COX16: variants seen among roughly 807,000 people sequenced by gnomAD.
COX16 encodes cytochrome c oxidase assembly factor COX16.
In COX16, 12 loss-of-function variants were observed where a neutral mutation model predicts 15.4. The ratio of observed to expected loss-of-function variants is 0.78; its 90% CI spans 0.50 to 1.26. The LOEUF is 1.26. Ranked by LOEUF, COX16 falls within the 50% of genes most tolerant of loss-of-function variation. The probability of loss-of-function intolerance (pLI) is 0.00; values close to 1 mark genes in which losing one functional copy is unlikely to be tolerated. For synonymous variants in COX16, 46 were observed against 41.1 expected (o/e 1.12, Z -0.46); for missense variants, 124 against 127.6 (o/e 0.97, Z 0.14).
At chr14:70,354,652 C>A (rs1566606971) in intron 1 of COX16, among the ~76,000 whole-genome samples, 1 of 152,058 alleles carries the variant, frequency 6.6e-6, no homozygotes, top group Non-Finnish European at 1.5e-5. Flanking sequence ...ATATGAGTCT[C>A]TTTTTTTGGC....
At chr14:70,355,843 C>G (rs980446483) in intron 1 of COX16, among the ~76,000 whole-genome samples, 1 of 152,164 alleles carries the variant, frequency 6.6e-6, no homozygotes, top group Non-Finnish European at 1.5e-5. Context: ...GGACAGATCC[C>G]TCACGAAAGG....
intron 2 of COX16, among the ~76,000 whole-genome samples, chr14:70,337,882 A>G (rs71423395): frequency 1.3e-5 from 2 of 152,110 alleles, no homozygotes; most frequent in African/African-American, 2.4e-5. Context: ...AGAAGATAAC[A>G]CAATAGAAAA....
chr14:70,352,772 A>G (rs939805763), intron 1 of COX16, among the ~76,000 whole-genome samples: 3 of 150,804 alleles, frequency 2.0e-5, no homozygotes, highest in Admixed American at 6.6e-5. Context: ...CAGCCTCCCA[A>G]CTACATTTGT....
At chr14:70,329,345 C>A (rs2140678014) in intron 2 of COX16, 109 bp from the exon 3 acceptor site, 9 of 885,910 alleles carry the variant, frequency 1.0e-5, no homozygotes, top group East Asian at 3.0e-5. Context: ...CAAATACAAA[C>A]ACATGGCAAA....
chr14:70,330,346 T>C (rs766618292), intron 2 of COX16, among the ~76,000 whole-genome samples: 1 of 152,154 alleles, frequency 6.6e-6, no homozygotes, highest in Non-Finnish European at 1.5e-5. Flanking sequence ...ACAACCTGAA[T>C]AGTTTTACAA....
At chr14:70,353,503 T>C (rs990277672) in intron 1 of COX16, among the ~76,000 whole-genome samples, 1 of 150,814 alleles carries the variant, frequency 6.6e-6, no homozygotes, top group Admixed American at 6.6e-5. Context: ...GATAGATAGA[T>C]AGATAGATAT....
intron 2 of COX16, among the ~76,000 whole-genome samples, chr14:70,339,215 A>G (rs994092534): frequency 2.0e-5 from 3 of 152,192 alleles, no homozygotes; most frequent in Admixed American, 2.0e-4. Context: ...TGTATGACCC[A>G]TTATTGTGGA....
intron 1 of COX16, 123 bp downstream of exon 1, chr14:70,359,396 T>G: frequency 1.2e-6 from 1 of 852,694 alleles, no homozygotes; most frequent in Non-Finnish European, 2.0e-6. Flanking sequence ...ACCCCGTCGC[T>G]AGCTCCTTCC....
Position 70,359,651 on chromosome 14 carries a change from A to C in COX16, c.-64T>G. 2.1e-6 allele frequency: 3 copies of C among 1,441,030 alleles called. No homozygotes were observed. The allele number at this position is 1,441,030 out of a possible 1,614,324, so 89.3% of individuals were successfully genotyped here. ...CTAGCGCAGACTCCCAAATCTCAGC[A>C]GCTCACGCTCTCACCAAGACGAGTA... On this transcript the variant is annotated 5_prime_UTR_variant, in exon 1 of 4. Coordinates refer to ENST00000389912, the MANE Select transcript of COX16 (RefSeq NM_016468.7).
chr14:70,355,480 A>T (rs1017697608), intron 1 of COX16, among the ~76,000 whole-genome samples: 1 of 152,224 alleles, frequency 6.6e-6, no homozygotes, highest in African/African-American at 2.4e-5. Context: ...TGATTACAAC[A>T]TTCCATACAG....
chr14:70,342,560 G>A (rs1594917906), intron 2 of COX16, 98 bp downstream of exon 2: 1 of 1,170,512 alleles, frequency 8.5e-7, no homozygotes, highest in East Asian at 2.7e-5. Context: ...TGAAAAGCAA[G>A]ACAAACTCAG....
At chr14:70,351,436 C>T (rs1027318109) in intron 1 of COX16, among the ~76,000 whole-genome samples, 1 of 152,166 alleles carries the variant, frequency 6.6e-6, no homozygotes, top group African/African-American at 2.4e-5. Flanking sequence ...AAATAGAATA[C>T]TGCCAACACA....
intron 1 of COX16, among the ~76,000 whole-genome samples, chr14:70,346,892 T>C (rs1886799977): frequency 6.6e-6 from 1 of 151,898 alleles, no homozygotes; most frequent in Non-Finnish European, 1.5e-5. Flanking sequence ...AACTCCACAC[T>C]ACTCTCCACT....
intron 2 of COX16, among the ~76,000 whole-genome samples, chr14:70,335,105 G>T (rs1323239198): frequency 6.6e-6 from 1 of 151,966 alleles, no homozygotes; most frequent in Non-Finnish European, 1.5e-5. Context: ...AAGAGACAAC[G>T]AAGGAAATTA....
intron 2 of COX16, among the ~76,000 whole-genome samples, chr14:70,332,531 T>C (rs1412280672): frequency 2.0e-5 from 3 of 152,156 alleles, no homozygotes; most frequent in Non-Finnish European, 2.9e-5. Context: ...CCTGCCACAG[T>C]TGGGGAACTA....
At chr14:70,350,312 CCTGTTTACAGGAGACTGT>C (rs1886911612) in intron 1 of COX16, among the ~76,000 whole-genome samples, 1 of 152,192 alleles carries the variant, frequency 6.6e-6, no homozygotes, top group Non-Finnish European at 1.5e-5. Context: ...TAGGACACTT[CCTGTTTACAGGAGACTGT>C]AAAACTTTCG....
chr14:70,358,264 T>C (rs1372612631), intron 1 of COX16, among the ~76,000 whole-genome samples: 1 of 152,032 alleles, frequency 6.6e-6, no homozygotes, highest in South Asian at 2.1e-4. Flanking sequence ...GATGCTTTTT[T>C]GGGGGCAATG....
intron 2 of COX16, among the ~76,000 whole-genome samples, chr14:70,330,118 A>G (rs1399717086): frequency 6.6e-6 from 1 of 152,158 alleles, no homozygotes; most frequent in Non-Finnish European, 1.5e-5. Context: ...TAAGCACAAC[A>G]AAACAAAAAC....
intron 1 of COX16, among the ~76,000 whole-genome samples, chr14:70,353,429 C>T (rs545527756): frequency 6.7e-6 from 1 of 148,902 alleles, no homozygotes; most frequent in South Asian, 2.1e-4. Flanking sequence ...TATACACACA[C>T]ATATACACAC....
Sources: allele counts gnomAD v4.1 joint callset (sites outside exome capture counted in the v4.1 genomes callset), GRCh38; gene constraint gnomAD v4.1.1; transcripts MANE v1.5; gene names NCBI Gene and HGNC (gene_info 2026-07-23, HGNC 2026-07-21).